Variants in BCAS3 observed in about 807,000 individuals in gnomAD.
The protein encoded by BCAS3 is BCAS4/BCAS3 fusion.
BCAS3 carries 53 observed loss-of-function variants against 116.1 expected under a neutral mutation model. The observed-to-expected ratio is 0.46, with a 90% CI of 0.37 to 0.57. The LOEUF (loss-of-function observed/expected upper bound fraction) is 0.57. Ranked by LOEUF, BCAS3 falls within the 20% of genes least tolerant of loss-of-function variation. The pLI is 0.00. For synonymous variants in BCAS3, 391 were observed against 408.2 expected (o/e 0.96, Z 0.51); for missense variants, 917 against 1,165.4 (o/e 0.79, Z 3.10).
intron 3 of BCAS3, 59 bp from the exon 4 acceptor site, chr17:60,689,627 C>A: frequency 1.6e-6 from 2 of 1,280,992 alleles, no homozygotes; most frequent in South Asian, 1.3e-5. Flanking sequence ...TTGTTTTGAA[C>A]ATCAGTAATA....
rs2056972315 is a variant in BCAS3 at position 61,339,368 on chromosome 17, C to G, written c.2426-28959C>G. Among the ~76,000 whole-genome samples, 2 of 152,134 alleles carry G rather than the reference C, an allele frequency of 1.3e-5. No individual in the cohort carries two copies. The highest frequency in any genetic ancestry group is 2.9e-5 in the Non-Finnish European group (2 of 68,038). On this transcript the variant is annotated intron_variant, in intron 22 of 23. Coordinates refer to ENST00000407086, the MANE Select transcript of BCAS3 (RefSeq NM_017679.5). This position sits in a 1 kb window ranked among gnomAD's most constrained non-coding sequence, Gnocchi z 4.4. ...GGGGATAAGGATACAATGGGAAGGCCCATGAAGCCGCCTAAAGGAGCTCAA... is the reference window on the plus strand; with the variant it reads ...GGGGATAAGGATACAATGGGAAGGCGCATGAAGCCGCCTAAAGGAGCTCAA...
chr17:61,070,110 G>A lies in BCAS3; in HGVS notation c.2030-4810G>A, dbSNP rs571742862. ...ACCACTATGCTATCATCAAGTTTCC[G>A]CTGACCACTGAGTCTGCCATGAAGA... is the stretch of plus-strand genomic sequence containing the variant. On this transcript the variant is annotated intron_variant, in intron 19 of 23. Transcript: ENST00000407086. 38 of 1,572,140 alleles carry A rather than the reference G, an allele frequency of 2.4e-5. No individual in the cohort carries two copies. The African/African-American group carries it at 2.4e-4, about 10-fold the overall frequency.
intron 22 of BCAS3, among the ~76,000 whole-genome samples, chr17:61,210,836 C>T (rs2144331838): frequency 6.6e-6 from 1 of 152,306 alleles, no homozygotes; most frequent in East Asian, 1.9e-4. Context: ...ACCAGAGAAG[C>T]CGCTTTTCAC....
At chr17:60,848,067 C>T (rs1029715708) in intron 7 of BCAS3, among the ~76,000 whole-genome samples, 1 of 152,148 alleles carries the variant, frequency 6.6e-6, no homozygotes. Context: ...AAGAGACTGT[C>T]CTTTCCCCCA....
intron 22 of BCAS3, among the ~76,000 whole-genome samples, chr17:61,290,460 AAAAC>A (rs1352665843): frequency 2.0e-5 from 3 of 152,238 alleles, no homozygotes; most frequent in African/African-American, 4.8e-5. Flanking sequence ...TCATAATAGA[AAAAC>A]AAATCAGTTT....
chr17:61,264,935 A>G (rs2049546338), intron 22 of BCAS3, among the ~76,000 whole-genome samples: 1 of 152,262 alleles, frequency 6.6e-6, no homozygotes, highest in Non-Finnish European at 1.5e-5. Flanking sequence ...TAAAAGGGAT[A>G]TTAGAAGTAT....
At chr17:61,291,895 G>A (rs2052449686) in intron 22 of BCAS3, among the ~76,000 whole-genome samples, 1 of 152,174 alleles carries the variant, frequency 6.6e-6, no homozygotes. Context: ...GGGGTCCACT[G>A]TGATAGAAAA....
At chr17:61,374,626 C>T (rs1841225562) in intron 23 of BCAS3, among the ~76,000 whole-genome samples, 1 of 152,186 alleles carries the variant, frequency 6.6e-6, no homozygotes, top group Non-Finnish European at 1.5e-5. Context: ...TTCCTGCCTG[C>T]CGTCTCTTTA....
chr17:60,770,499 A>T (rs1325691182), intron 6 of BCAS3, among the ~76,000 whole-genome samples: 2 of 132,226 alleles, frequency 1.5e-5, no homozygotes, highest in African/African-American at 2.8e-5. Context: ...GCTCACTGCA[A>T]CCTCCGACTC....
intron 16 of BCAS3, among the ~76,000 whole-genome samples, chr17:61,024,350 A>C (rs1389586727): frequency 2.0e-5 from 3 of 152,182 alleles, no homozygotes; most frequent in Non-Finnish European, 4.4e-5. Flanking sequence ...TGCCAATTGT[A>C]CATGCTAAAC....
rs2051004605 is a variant in BCAS3, at chr17:61,278,995, G to C, written c.2426-89332G>C. 6.6e-6 allele frequency among the ~76,000 whole-genome samples: 1 copy of C among 151,246 alleles called. No individual in the cohort carries two copies. The highest frequency in any genetic ancestry group is 2.1e-4 in the South Asian group (1 of 4,784). ...AGATGGAGTCTTGCTTTGTCACCCA[G>C]GCTGGAGTACAGTGGCATGTCTGGG... On this transcript the variant is annotated intron_variant, in intron 22 of 23. Coordinates refer to ENST00000407086, the MANE Select transcript of BCAS3 (RefSeq NM_017679.5). This position sits in a 1 kb window ranked among gnomAD's most constrained non-coding sequence, Gnocchi z 5.8.
rs2067095796 is a variant in BCAS3, at chr17:61,037,079, G to A, written c.1763-810G>A. The stretch of plus-strand genomic sequence containing the variant: ...ATGAACCTACATTGACACATCAAAT[G>A]TTTTTTGTTTGTTTTGATCCACAAA... On this transcript the variant is annotated intron_variant, in intron 17 of 23. Transcript: ENST00000407086. This position sits in a 1 kb window ranked among gnomAD's most constrained non-coding sequence, Gnocchi z 4.7. Among the ~76,000 whole-genome samples the A allele has an allele frequency of 1.3e-5, 2 of 152,066 alleles. No homozygotes were observed. The highest frequency in any genetic ancestry group is 4.1e-4 in the South Asian group (2 of 4,824).
intron 19 of BCAS3, among the ~76,000 whole-genome samples, chr17:61,066,882 A>C (rs564486194): frequency 6.6e-6 from 1 of 152,230 alleles, no homozygotes; most frequent in African/African-American, 2.4e-5. Context: ...GTGTTAAAGA[A>C]CTAGATATTT....
At chr17:60,850,086 C>A (rs1258113967) in intron 7 of BCAS3, among the ~76,000 whole-genome samples, 4 of 152,204 alleles carry the variant, frequency 2.6e-5, no homozygotes, top group Admixed American at 6.5e-5. Flanking sequence ...TTGATACATC[C>A]ACTTTCTCCC....
rs566750499 is a variant in BCAS3 at position 61,098,285 on chromosome 17, G to T, written c.2425+13721G>T. ...ATTGGGACTGAGTTGTGCATGGAGA[G>T]GAGAAAAATAGAGTCTTTGTCCCCC... On this transcript the variant is annotated intron_variant, in intron 22 of 23. Coordinates refer to ENST00000407086, the MANE Select transcript of BCAS3 (RefSeq NM_017679.5). This position sits in a 1 kb window ranked among gnomAD's most constrained non-coding sequence, Gnocchi z 4.2. Among the ~76,000 whole-genome samples, 1 of 152,300 alleles carries T rather than the reference G, an allele frequency of 6.6e-6. No homozygotes were observed. The highest frequency in any genetic ancestry group is 2.4e-5 in the African/African-American group (1 of 41,558).
chr17:61,108,380 A>G (rs1033846698), intron 22 of BCAS3, among the ~76,000 whole-genome samples: 1 of 152,086 alleles, frequency 6.6e-6, no homozygotes, highest in African/African-American at 2.4e-5. Context: ...CATTCTTCCA[A>G]TATCTGTCTT....
At chr17:60,963,686 G>A (rs376536687) in intron 14 of BCAS3, among the ~76,000 whole-genome samples, 69 of 151,752 alleles carry the variant, frequency 4.5e-4, no homozygotes, top group Admixed American at 1.5e-3. Flanking sequence ...CTCCCGAGTA[G>A]CTGGGACCAC....
chr17:60,697,154 C>T (rs564258577), intron 4 of BCAS3, among the ~76,000 whole-genome samples: 5 of 152,092 alleles, frequency 3.3e-5, no homozygotes, highest in African/African-American at 7.2e-5. Flanking sequence ...TGTGTCACTG[C>T]GCTTCAGACT....
At position 60,803,059 on chromosome 17, in the gene BCAS3, A is replaced by G. The variant is rs146823171; in HGVS notation, c.404-4945A>G. Among the ~76,000 whole-genome samples, 37 of 152,358 alleles carry G rather than the reference A, an allele frequency of 2.4e-4. No individual in the cohort carries two copies. The East Asian group carries it at 6.2e-3, about 25-fold the overall frequency. On this transcript the variant is annotated intron_variant, in intron 6 of 23. Transcript: ENST00000407086. Reference sequence around the variant, plus strand: ...AAAAGACTTACAAGTGCCCACCTAAAGGATAAGGTTCTGGTGCTAGTGTCC... The same window carrying G: ...AAAAGACTTACAAGTGCCCACCTAAGGGATAAGGTTCTGGTGCTAGTGTCC...
Sources: gnomAD v4.1 joint callset for allele counts (sites outside exome capture counted in the v4.1 genomes callset) on GRCh38, gnomAD v4.1.1 for gene constraint, Gnocchi (gnomAD v3.1) non-coding constraint, MANE v1.5 for transcripts, NCBI Gene and HGNC (gene_info 2026-07-23, HGNC 2026-07-21) for gene names.